Variants in RPS6KC1 observed in about 807,000 individuals in gnomAD.
RPS6KC1 encodes ribosomal protein S6 kinase C1.
In RPS6KC1, 54 loss-of-function variants were observed where a neutral mutation model predicts 103.8. The observed-to-expected ratio is 0.52, with a 90% confidence interval of 0.42 to 0.65. The LOEUF (loss-of-function observed/expected upper bound fraction) is 0.65. Ranked by LOEUF, RPS6KC1 falls within the 30% of genes least tolerant of loss-of-function variation. The pLI is 0.00. For missense variants in RPS6KC1, 1,151 were observed against 1,253.8 expected (o/e 0.92, Z 1.24); for synonymous variants, 439 against 438.7 (o/e 1.00, Z -0.01).
rs779195860 is a variant in RPS6KC1, at chr1:213,242,555, C to T, written c.2822-14C>T. On this transcript the variant is annotated splice_polypyrimidine_tract_variant and intron_variant, in intron 11 of 14. Transcript: ENST00000366960. ...AGAAAAATGTTTTGATTTCTCCTGT[C>T]GTTTTGTTTTTAGGACACATTCAGC... is the stretch of plus-strand genomic sequence containing the variant. The T allele has an allele frequency of 6.9e-6, 11 of 1,596,978 alleles. No homozygotes were observed. The highest frequency in any genetic ancestry group is 6.7e-5 in the South Asian group (6 of 90,182).
chr1:213,076,747 T>G (rs573447925), intron 2 of RPS6KC1, among the ~76,000 whole-genome samples: 1 of 152,288 alleles, frequency 6.6e-6, no homozygotes, highest in South Asian at 2.1e-4. Context: ...ATTTTAATGA[T>G]GTTCTGGTCA....
chr1:213,790,469 T>G, the RPS6KC1 span, among the ~76,000 whole-genome samples: 1 of 152,110 alleles, frequency 6.6e-6, no homozygotes, highest in Non-Finnish European at 1.5e-5. Flanking sequence ...AACTATGGTA[T>G]TTTGTGTGCA....
At chr1:213,405,558 A>G in the RPS6KC1 span, among the ~76,000 whole-genome samples, 1 of 152,192 alleles carries the variant, frequency 6.6e-6, no homozygotes, top group South Asian at 2.1e-4. Context: ...CGACTCCTCA[A>G]CAGCAGCCAT....
At chr1:213,130,370 A>G (rs2085467647) in intron 6 of RPS6KC1, among the ~76,000 whole-genome samples, 2 of 152,188 alleles carry the variant, frequency 1.3e-5, no homozygotes, top group Admixed American at 6.5e-5. Flanking sequence ...GTGATGTGGG[A>G]CATGTAGAGC....
chr1:213,547,506 C>A, the RPS6KC1 span, among the ~76,000 whole-genome samples: 17 of 152,126 alleles, frequency 1.1e-4, no homozygotes, highest in Non-Finnish European at 2.4e-4. Context: ...CAAAAAGAAC[C>A]GCTTCTATAG....
At chr1:213,596,572 A>G in the RPS6KC1 span, among the ~76,000 whole-genome samples, 1 of 152,240 alleles carries the variant, frequency 6.6e-6, no homozygotes, top group Non-Finnish European at 1.5e-5. Flanking sequence ...CCCTTGGGTG[A>G]GAGAACCCTG....
the RPS6KC1 span, among the ~76,000 whole-genome samples, chr1:213,327,586 C>CGTGTGTGTGTGCATGT: frequency 6.6e-6 from 1 of 151,380 alleles, no homozygotes; most frequent in Non-Finnish European, 1.5e-5. Context: ...TGTGTGCGTG[C>CGTGTGTGTGTGCATGT]GTGTGTGTGT....
At chr1:213,594,045 T>C in the RPS6KC1 span, among the ~76,000 whole-genome samples, 4 of 152,186 alleles carry the variant, frequency 2.6e-5, no homozygotes, top group East Asian at 5.8e-4. Context: ...TTTGTATCTT[T>C]AGTAAAGATG....
Position 213,242,610 on chromosome 1 carries a change from G to C in RPS6KC1, c.2863G>C (p.Glu955Gln), listed in dbSNP as rs2094381431. 1.2e-6 allele frequency: 2 copies of C among 1,602,180 alleles called. No homozygotes were observed. The highest frequency in any genetic ancestry group is 2.7e-5 in the African/African-American group (2 of 74,590). ...LTYFSRWSEVEDSCDSDAIER... is the reference protein window; with the variant it reads ...LTYFSRWSEVQDSCDSDAIER... The stretch of plus-strand genomic sequence containing the variant: ...GTATTTTAGCAGGTGGAGTGAGGTT[G>C]AAGATTCCTGTGACAGCGATGCCAT... Residue 955 changes from glutamate to glutamine, a missense_variant, in exon 12 of 15, where the codon GAA (glutamate) becomes CAA (glutamine). Transcript: ENST00000366960.
At chr1:213,562,779 T>C in the RPS6KC1 span, among the ~76,000 whole-genome samples, 4 of 152,108 alleles carry the variant, frequency 2.6e-5, no homozygotes, top group Non-Finnish European at 4.4e-5. Context: ...TCCTCCCACT[T>C]CCGCTTTCCA....
the RPS6KC1 span, among the ~76,000 whole-genome samples, chr1:213,546,658 TTA>T: frequency 6.6e-6 from 1 of 151,936 alleles, no homozygotes; most frequent in East Asian, 1.9e-4. Context: ...CTGCATTATT[TTA>T]AAAAAAAATT....
intron 1 of RPS6KC1, among the ~76,000 whole-genome samples, chr1:213,067,614 C>T (rs2078446859): frequency 6.6e-6 from 1 of 152,014 alleles, no homozygotes. Flanking sequence ...CTACTGTTAT[C>T]TGAGGTATGG....
At chr1:213,073,819 G>C (rs1257615811) in intron 2 of RPS6KC1, among the ~76,000 whole-genome samples, 2 of 152,064 alleles carry the variant, frequency 1.3e-5, no homozygotes, top group Non-Finnish European at 2.9e-5. Context: ...GGGACTACAG[G>C]TGCCCACCAC....
chr1:213,459,538 G>A, the RPS6KC1 span, among the ~76,000 whole-genome samples: 5 of 152,048 alleles, frequency 3.3e-5, no homozygotes, highest in Non-Finnish European at 2.9e-5. Flanking sequence ...AAAAAAACCA[G>A]CTCCTGGATT....
At chr1:213,516,081 T>G in the RPS6KC1 span, among the ~76,000 whole-genome samples, 1 of 152,198 alleles carries the variant, frequency 6.6e-6, no homozygotes, top group South Asian at 2.1e-4. Context: ...CATTGATTTT[T>G]TATGCTGAGA....
chr1:213,446,573 T>TCAG, the RPS6KC1 span, among the ~76,000 whole-genome samples: 1 of 152,186 alleles, frequency 6.6e-6, no homozygotes, highest in South Asian at 2.1e-4. Context: ...TTACTTAAAG[T>TCAG]CAGCTGATAG....
At chr1:213,489,475 G>A in the RPS6KC1 span, among the ~76,000 whole-genome samples, 1 of 152,112 alleles carries the variant, frequency 6.6e-6, no homozygotes, top group Non-Finnish European at 1.5e-5. Context: ...TTTTCCTCTG[G>A]GCCTTTTCAT....
At chr1:213,696,369 G>C in the RPS6KC1 span, among the ~76,000 whole-genome samples, 19 of 152,170 alleles carry the variant, frequency 1.2e-4, no homozygotes, top group African/African-American at 1.7e-4. Context: ...AGGCATGGTG[G>C]CACGTGCCTG....
chr1:213,225,073 T>C (rs1241094917), intron 8 of RPS6KC1, among the ~76,000 whole-genome samples: 2 of 152,198 alleles, frequency 1.3e-5, no homozygotes, highest in African/African-American at 4.8e-5. Flanking sequence ...GGTGCTTCTT[T>C]TAAAGACTAT....
Sources: allele counts gnomAD v4.1 joint callset (sites outside exome capture counted in the v4.1 genomes callset), GRCh38; gene constraint gnomAD v4.1.1; transcripts MANE v1.5; gene names NCBI Gene and HGNC (gene_info 2026-07-23, HGNC 2026-07-21).